Variants in TMEM63C observed in about 807,000 individuals in gnomAD.
TMEM63C encodes the protein osmosensitive cation channel TMEM63C.
In TMEM63C, 32 loss-of-function variants were observed where a neutral mutation model predicts 99.2. The ratio of observed to expected loss-of-function variants is 0.32; its 90% confidence interval spans 0.24 to 0.43. The LOEUF is 0.43. TMEM63C is among the 20% of genes least tolerant of loss of function. The probability of loss-of-function intolerance (pLI) is 1.00; values close to 1 mark genes in which losing one functional copy is unlikely to be tolerated. For synonymous variants in TMEM63C, 376 were observed against 397.9 expected, an observed-to-expected ratio of 0.94 and a Z score of 0.66; for missense variants, 826 against 1,053.0, an observed-to-expected ratio of 0.78 and a Z score of 2.98.
rs772701077 is a variant in TMEM63C, at chr14:77,215,614, A to AAAAAAAAGAAAAG, written c.-14+2110_-14+2111insAAAGAAAAGAAAA. Among the ~76,000 whole-genome samples, 93 of 76,548 alleles carry AAAAAAAAGAAAAG rather than the reference A, an allele frequency of 1.2e-3. 3 individuals are homozygous for AAAAAAAAGAAAAG. Among genetic ancestry groups the AAAAAAAAGAAAAG allele is most frequent in the African/African-American group, 4.4e-3 (78 of 17,852 alleles). 50.2% of individuals were successfully genotyped at this position (76,548 alleles called of 152,430 possible). ...AGACTCTGTCTCAAAAAAAAAAAAA[A>AAAAAAAAGAAAAG]AAAAGAAAAGAAAAGAAAAAGAAAC... On this transcript the variant is annotated intron_variant, in intron 2 of 23. Transcript: ENST00000298351.
chr14:77,213,646 G>C (rs893793235), intron 2 of TMEM63C, 138 bp downstream of exon 2: 3 of 152,266 alleles, frequency 2.0e-5, no homozygotes, highest in Admixed American at 2.0e-4. Flanking sequence ...CCTGGAGCCC[G>C]AGGTAGCTCA....
intron 15 of TMEM63C, among the ~76,000 whole-genome samples, chr14:77,243,875 C>T (rs766561380): frequency 1.3e-5 from 2 of 152,110 alleles, no homozygotes; most frequent in Non-Finnish European, 2.9e-5. Flanking sequence ...AACATGTGTG[C>T]ATGCACACAC....
chr14:77,233,935 G>T (rs1266355167), intron 8 of TMEM63C, among the ~76,000 whole-genome samples: 2 of 152,048 alleles, frequency 1.3e-5, no homozygotes, highest in African/African-American at 4.8e-5. Context: ...CCCCACCTCT[G>T]CCATTAACTG....
In TMEM63C at chr14:77,256,628, G is replaced by A. The variant is rs988905593; in HGVS notation, c.2323G>A (p.Gly775Arg). Residue 775 changes from glycine (G) to arginine (R), a missense_variant, in exon 24 of 24, where the codon GGA (glycine) becomes AGA (arginine). Transcript: ENST00000298351. ...YGTMNNQPEE[G>R]EEESGLRGFA... ...CACCATGAACAACCAGCCGGAAGAGGGAGAAGAAGAGAGTGGTCTGAGGGG... is the reference window on the plus strand; with the variant it reads ...CACCATGAACAACCAGCCGGAAGAGAGAGAAGAAGAGAGTGGTCTGAGGGG... 6.2e-7 allele frequency: 1 copy of A among 1,614,012 alleles called. No individual in the cohort carries two copies. Among genetic ancestry groups the A allele is most frequent in the Non-Finnish European group, 8.5e-7 (1 of 1,179,882 alleles).
chr14:77,193,111 A>T (rs1230282976), intron 1 of TMEM63C, among the ~76,000 whole-genome samples: 1 of 152,222 alleles, frequency 6.6e-6, no homozygotes, highest in Non-Finnish European at 1.5e-5. Flanking sequence ...GAAAGGATGG[A>T]CACAGACAAG....
rs1013159682 is a variant in TMEM63C at position 77,243,006 on chromosome 14, A to G, written c.1291A>G (p.Met431Val). ...FFFLTTPAIIMNTIDMYNVTR... is the reference protein window; with the variant it reads ...FFFLTTPAIIVNTIDMYNVTR... ...CTTTCTCACCACGCCTGCCATCATC[A>G]TGAACACTATCGACATGTACAACGT... Residue 431 changes from methionine (M) to valine (V), a missense_variant, in exon 15 of 24, where the codon ATG (methionine) becomes GTG (valine). Physicochemically the swap from Met to Val is conservative, Grantham distance 21. Coordinates refer to ENST00000298351, the MANE Select transcript of TMEM63C (RefSeq NM_020431.4). 2 of 1,613,764 alleles carry G rather than the reference A, an allele frequency of 1.2e-6. No individual in the cohort carries two copies. The highest frequency in any genetic ancestry group is 2.7e-5 in the African/African-American group (2 of 74,888).
intron 13 of TMEM63C, among the ~76,000 whole-genome samples, chr14:77,241,861 C>T (rs534384255): frequency 6.6e-6 from 1 of 152,272 alleles, no homozygotes; most frequent in Admixed American, 6.5e-5. Flanking sequence ...AGGTGGGGCT[C>T]CAGCACCTGC....
At chr14:77,200,717 A>G (rs531839955) in intron 1 of TMEM63C, among the ~76,000 whole-genome samples, 36 of 152,310 alleles carry the variant, frequency 2.4e-4, no homozygotes, top group Admixed American at 1.2e-3. Flanking sequence ...CCCGCTCCCC[A>G]TCTGCCTCTC....
Position 77,242,357 on chromosome 14 carries a change from G to A in TMEM63C, c.1075G>A (p.Asp359Asn). The change falls in exon 14 of 24, where the codon GAT becomes AAT. Residue 359 changes from aspartate to asparagine, a missense_variant. Transcript: ENST00000298351. ...CTCCCCTCTCTGCAGTGTCCGTAAG[G>A]ATTACAAGTATGTCCAGTGTGGTGT... is the stretch of plus-strand genomic sequence containing the variant. The part of the protein sequence containing the change: ...DSRMAKRVRK[D>N]YKYVQCGVQP... 1 of 1,611,896 alleles carries A rather than the reference G, an allele frequency of 6.2e-7. No individual in the cohort carries two copies. The highest frequency in any genetic ancestry group is 8.5e-7 in the Non-Finnish European group (1 of 1,178,664).
At chr14:77,212,931 C>G (rs1277379979) in intron 1 of TMEM63C, among the ~76,000 whole-genome samples, 1 of 152,222 alleles carries the variant, frequency 6.6e-6, no homozygotes, top group Non-Finnish European at 1.5e-5. Flanking sequence ...AGCCGCCCAA[C>G]AGCAGTCCTC....
At position 77,233,507 on chromosome 14, in the gene TMEM63C, A is replaced by G. The variant is rs753916727; in HGVS notation, c.542+7A>G. ...TTGTCAATGTCTCCACAGAGTAGGT[A>G]CCTGATCTTAACCTCCCATTCCATT... On this transcript the variant is annotated splice_region_variant and intron_variant, in intron 8 of 23. Coordinates refer to ENST00000298351, the MANE Select transcript of TMEM63C (RefSeq NM_020431.4). 3.7e-6 allele frequency: 6 copies of G among 1,613,224 alleles called. No homozygotes were observed. In the South Asian group the frequency reaches 6.6e-5, roughly 18 times the overall value.
intron 8 of TMEM63C, among the ~76,000 whole-genome samples, chr14:77,235,103 C>G (rs1227603830): frequency 6.6e-6 from 1 of 152,058 alleles, no homozygotes; most frequent in East Asian, 1.9e-4. Context: ...AAAATGCACA[C>G]CATGCACTAA....
chr14:77,255,795 A>G (rs992258499), intron 23 of TMEM63C, among the ~76,000 whole-genome samples: 3 of 152,238 alleles, frequency 2.0e-5, no homozygotes, highest in African/African-American at 4.8e-5. Flanking sequence ...CCAAAAGGTC[A>G]TCTAGATGGC....
intron 9 of TMEM63C, among the ~76,000 whole-genome samples, chr14:77,237,399 G>A (rs904946332): frequency 2.6e-5 from 4 of 152,150 alleles, no homozygotes; most frequent in African/African-American, 7.2e-5. Context: ...CTTGGAATGA[G>A]TAGCGCTTGT....
At chr14:77,256,425 G>A (rs1889461700) in intron 23 of TMEM63C, 101 bp from the exon 24 acceptor site, 2 of 1,173,056 alleles carry the variant, frequency 1.7e-6, no homozygotes, top group Non-Finnish European at 2.5e-6. Context: ...AGGTCTGGAG[G>A]AGACAGAGGC....
At chr14:77,249,612 G>A (rs113499163) in intron 21 of TMEM63C, among the ~76,000 whole-genome samples, 154 bp downstream of exon 21, 3,658 of 152,266 alleles carry the variant, frequency 0.024, 145 homozygotes, top group African/African-American at 0.084. Context: ...TGGGCCTAAA[G>A]GGCCTACATT....
intron 16 of TMEM63C, among the ~76,000 whole-genome samples, chr14:77,245,400 T>C (rs1167648253): frequency 2.0e-5 from 3 of 152,260 alleles, no homozygotes; most frequent in Admixed American, 1.3e-4. Flanking sequence ...ACTCTGCGTA[T>C]GTCTGTATTA....
intron 1 of TMEM63C, among the ~76,000 whole-genome samples, chr14:77,206,141 C>CCTATAGGAGT (rs1458933436): frequency 6.6e-5 from 10 of 152,044 alleles, no homozygotes; most frequent in Non-Finnish European, 1.5e-4. Context: ...TGTTCTCTTC[C>CCTATAGGAGT]CTATAGGAGT....
At chr14:77,245,728 C>T (rs1020214909) in intron 16 of TMEM63C, among the ~76,000 whole-genome samples, 2 of 152,190 alleles carry the variant, frequency 1.3e-5, no homozygotes, top group Admixed American at 1.3e-4. Context: ...ATCATGAGAA[C>T]GGCATGGGAA....
Sources: gnomAD v4.1 joint callset for allele counts (sites outside exome capture counted in the v4.1 genomes callset) on GRCh38, gnomAD v4.1.1 for gene constraint, MANE v1.5 for transcripts, NCBI Gene and HGNC (gene_info 2026-07-23, HGNC 2026-07-21) for gene names.